Variants in IQCE observed in about 807,000 individuals in gnomAD.
The protein encoded by IQCE is IQ domain-containing protein E.
IQCE carries 115 observed loss-of-function variants against 96.0 expected under a neutral mutation model. The ratio of observed to expected loss-of-function variants is 1.20; its 90% CI spans 1.03 to 1.40. The LOEUF is 1.40. Ranked by LOEUF, IQCE falls within the 40% of genes most tolerant of loss-of-function variation. The pLI, the probability that IQCE is intolerant of heterozygous loss-of-function variation, is 0.00. For synonymous variants in IQCE, 412 were observed against 371.2 expected (o/e 1.11, Z -1.26); for missense variants, 1,041 against 909.1 (o/e 1.15, Z -1.87).
chr7:2,601,835 C>T, intron 18 of IQCE: 1 of 228,306 alleles, frequency 4.4e-6, no homozygotes, highest in Non-Finnish European at 8.5e-6. Context: ...CAGGCGTGAG[C>T]CACCGCGCCC....
chr7:2,594,525 G>C (rs577161885), intron 15 of IQCE, among the ~76,000 whole-genome samples: 1 of 152,384 alleles, frequency 6.6e-6, no homozygotes, highest in African/African-American at 2.4e-5. Context: ...CTCCTAGAGG[G>C]TTGGGATCAC....
Position 2,605,978 on chromosome 7 carries a change from C to G in IQCE, c.1846C>G (p.Leu616Val). The G allele has an allele frequency of 6.2e-7, 1 of 1,609,460 alleles. No individual in the cohort carries two copies. ...VIIQSALRAHLARARHSATGK... is the reference protein window; with the variant it reads ...VIIQSALRAHVARARHSATGK... The stretch of plus-strand genomic sequence containing the variant: ...CATCCAGTCCGCTCTGCGGGCACAC[C>G]TGGCCCGGGCCAGGCACAGGTGAGT... The change falls in exon 20 of 22, where the codon CTG becomes GTG. Residue 616 changes from leucine to valine, a missense_variant. Transcript: ENST00000402050.
At chr7:2,562,705 A>T (rs1338765018) in intron 1 of IQCE, among the ~76,000 whole-genome samples, 2 of 148,736 alleles carry the variant, frequency 1.3e-5, no homozygotes, top group African/African-American at 2.5e-5. Context: ...TTTTGGTTTC[A>T]TTGATTTTTC....
Position 2,611,110 on chromosome 7 carries a change from T to TG in IQCE, c.*950dup. 2 of 36,628 alleles carry TG rather than the reference T, an allele frequency of 5.5e-5. No individual in the cohort carries two copies. Among genetic ancestry groups the TG allele is most frequent in the Admixed American group, 4.9e-4 (2 of 4,050 alleles). 2.3% of individuals were successfully genotyped at this position (36,628 alleles called of 1,614,324 possible). ...GCGGCCTCTGCACTCCCAAGCTCCA[T>TG]GGCTGGGCTGGGCTGGGCTGGGCTG... On this transcript the variant is annotated 3_prime_UTR_variant, in exon 22 of 22. Transcript: ENST00000402050.
intron 6 of IQCE, 122 bp downstream of exon 6, chr7:2,573,610 G>A (rs768567017): frequency 2.8e-5 from 16 of 579,236 alleles, no homozygotes; most frequent in Non-Finnish European, 4.6e-5. Context: ...CGTTAGGGTC[G>A]AACCTGAGTT....
At chr7:2,605,574 C>A (rs1245820563) in intron 19 of IQCE, among the ~76,000 whole-genome samples, 1 of 152,068 alleles carries the variant, frequency 6.6e-6, no homozygotes, top group African/African-American at 2.4e-5. Flanking sequence ...GAGTCGAGAT[C>A]ACGCCACTGC....
Position 2,604,971 on chromosome 7 carries a change from G to T in IQCE, c.1723G>T (p.Val575Leu). Residue 575 changes from valine (V) to leucine (L), a missense_variant, in exon 19 of 22, where the codon GTG (valine) becomes TTG (leucine). Transcript: ENST00000402050. ...AGCACATGGCTCAGAGCCACCCAGC[G>T]TGCCAGGCCTCCCAGACCAGGTAAT... Reference protein sequence around the residue: ...SKAHGSEPPSVPGLPDQSSPV... With the variant: ...SKAHGSEPPSLPGLPDQSSPV... 6.2e-7 allele frequency: 1 copy of T among 1,613,262 alleles called. No individual in the cohort carries two copies. The highest frequency in any genetic ancestry group is 1.7e-5 in the Admixed American group (1 of 60,000).
In IQCE at chr7:2,605,970, G is replaced by A. The variant is rs755787786; in HGVS notation, c.1838G>A (p.Arg613Gln). 1.1e-5 allele frequency: 18 copies of A among 1,609,928 alleles called. No homozygotes were observed. In the East Asian group the frequency reaches 1.8e-4, roughly 16 times the overall value. ...ATCGTCATCATCCAGTCCGCTCTGC[G>A]GGCACACCTGGCCCGGGCCAGGCAC... ...EAIVIIQSAL[R>Q]AHLARARHSA... The change falls in exon 20 of 22, where the codon CGG (arginine) becomes CAG (glutamine). Residue 613 changes from arginine to glutamine, a missense_variant. Transcript: ENST00000402050.
intron 14 of IQCE, among the ~76,000 whole-genome samples, chr7:2,591,271 G>A (rs904264758): frequency 1.3e-5 from 2 of 151,806 alleles, no homozygotes; most frequent in Non-Finnish European, 2.9e-5. Context: ...AACGAAGGAA[G>A]ACATAAATGC....
intron 16 of IQCE, chr7:2,597,086 G>C (rs759055022): frequency 8.5e-6 from 4 of 470,992 alleles, no homozygotes; most frequent in African/African-American, 2.0e-5. Context: ...GCAGGGTCGT[G>C]CGGAAGACCT....
chr7:2,600,831 G>A (rs1208570633), intron 17 of IQCE, among the ~76,000 whole-genome samples: 1 of 152,140 alleles, frequency 6.6e-6, no homozygotes, highest in African/African-American at 2.4e-5. Context: ...TCAACATCTG[G>A]GGAGGACTTC....
rs114445113 is a variant in IQCE at position 2,602,732 on chromosome 7, C to T, written c.1632+1268C>T. Among the ~76,000 whole-genome samples the T allele has an allele frequency of 7.8e-3, 1,183 of 152,342 alleles. 13 individuals are homozygous for T. Among genetic ancestry groups the T allele is most frequent in the African/African-American group, 0.026 (1,082 of 41,570 alleles). On this transcript the variant is annotated intron_variant, in intron 18 of 21. Transcript: ENST00000402050. Reference sequence around the variant, plus strand: ...TGTTTGCTGGGCTCCTGCCATGTGCCGGGCACCAGAGGAGCTTGTAACAGA... The same window carrying T: ...TGTTTGCTGGGCTCCTGCCATGTGCTGGGCACCAGAGGAGCTTGTAACAGA...
chr7:2,598,442 C>T (rs767758133), intron 16 of IQCE, 23 bp from the exon 17 acceptor site: 4 of 1,554,478 alleles, frequency 2.6e-6, no homozygotes, highest in African/African-American at 1.4e-5. Context: ...TCATTGTCCT[C>T]TTACTCCTTC....
intron 14 of IQCE, among the ~76,000 whole-genome samples, chr7:2,591,581 G>A (rs1187704864): frequency 6.6e-6 from 1 of 151,668 alleles, no homozygotes; most frequent in Admixed American, 6.6e-5. Flanking sequence ...CCAGCCTTCG[G>A]AATCATACTC....
chr7:2,572,701 T>C (rs6945441), intron 5 of IQCE: 66,059 of 464,236 alleles, frequency 0.14, 5,373 homozygotes, highest in Non-Finnish European at 0.16. Flanking sequence ...TCTGTGTTTA[T>C]GTTCCTGCCT....
At position 2,610,274 on chromosome 7, in the gene IQCE, C is replaced by G. The variant is rs1458119308; in HGVS notation, c.*112C>G. The G allele has an allele frequency of 1.4e-6, 1 of 721,588 alleles. No individual in the cohort carries two copies. The highest frequency in any genetic ancestry group is 1.7e-5 in the African/African-American group (1 of 57,378). 44.7% of individuals were successfully genotyped at this position (721,588 alleles called of 1,614,324 possible). ...GAAGAACGATGATACCTACTTAACA[C>G]CTCAGCATCTGCGTCGTGTCTCTTT... On this transcript the variant is annotated 3_prime_UTR_variant, in exon 22 of 22. Coordinates refer to ENST00000402050, the MANE Select transcript of IQCE (RefSeq NM_152558.5).
chr7:2,607,032 C>A, intron 20 of IQCE, 92 bp from the exon 21 acceptor site: 1 of 1,194,660 alleles, frequency 8.4e-7, no homozygotes, highest in Non-Finnish European at 1.2e-6. Context: ...GGAATACTTG[C>A]CTCCAAGCAA....
At chr7:2,572,858 C>T (rs145510886) in intron 5 of IQCE, 31 of 404,022 alleles carry the variant, frequency 7.7e-5, no homozygotes, top group Middle Eastern at 6.7e-4. Context: ...TCTTTATCCA[C>T]GTGTTTCCCA....
intron 6 of IQCE, among the ~76,000 whole-genome samples, chr7:2,577,787 T>C (rs1195763188): frequency 1.7e-3 from 127 of 73,514 alleles, no homozygotes; most frequent in Middle Eastern, 0.011. Flanking sequence ...GTGCGGCGTA[T>C]ACGCATTGGC....
Sources: gnomAD v4.1 joint callset for allele counts (sites outside exome capture counted in the v4.1 genomes callset) on GRCh38, gnomAD v4.1.1 for gene constraint, MANE v1.5 for transcripts, NCBI Gene and HGNC (gene_info 2026-07-23, HGNC 2026-07-21) for gene names.